VPS13A: variants seen among roughly 807,000 people sequenced by gnomAD.
The protein encoded by VPS13A is vacuolar protein sorting 13 homolog A, also known as intermembrane lipid transfer protein VPS13A.
VPS13A carries 264 observed loss-of-function variants against 390.9 expected under a neutral mutation model. That is an observed-to-expected ratio of 0.68 (90% CI 0.61 to 0.75). The LOEUF is 0.75. Ranked by LOEUF, VPS13A falls within the 30% of genes least tolerant of loss-of-function variation. VPS13A has a pLI of 0.00. For synonymous variants in VPS13A, 1,231 were observed against 1,227.1 expected (o/e 1.00, Z -0.07); for missense variants, 3,409 against 3,733.9 (o/e 0.91, Z 2.27).
rs766216872 is a variant in VPS13A, at chr9:77,405,942, A to T, written c.9354A>T (p.Lys3118Asn). Reference sequence around the variant, plus strand: ...AGTATAGTTTTGATGAATTTACCAAAGAGCCATTCATTGTTCATGGGAGAA... The same window carrying T: ...AGTATAGTTTTGATGAATTTACCAATGAGCCATTCATTGTTCATGGGAGAA... ...EWQYSFDEFTKEPFIVHGRRL... is the reference protein window; with the variant it reads ...EWQYSFDEFTNEPFIVHGRRL... Residue 3118 changes from lysine to asparagine, a missense_variant, in exon 70 of 72, where the codon AAA (lysine) becomes AAT (asparagine). Physicochemically the swap from Lys to Asn is moderately conservative, Grantham distance 94 (BLOSUM62 0). Transcript: ENST00000360280. 7 of 1,613,990 alleles carry T rather than the reference A, an allele frequency of 4.3e-6. No homozygotes were observed. Among genetic ancestry groups the T allele is most frequent in the Non-Finnish European group, 5.9e-6 (7 of 1,179,986 alleles).
intron 59 of VPS13A, among the ~76,000 whole-genome samples, 158 bp from the exon 60 acceptor site, chr9:77,365,302 G>A (rs1832372712): frequency 6.6e-6 from 1 of 152,186 alleles, no homozygotes; most frequent in African/African-American, 2.4e-5. Context: ...AGACAGAACT[G>A]TCCTATAGAT....
intron 1 of VPS13A, among the ~76,000 whole-genome samples, chr9:77,185,168 A>T (rs1458990947): frequency 1.3e-5 from 2 of 150,714 alleles, no homozygotes; most frequent in Admixed American, 1.3e-4. Context: ...TTTGAGACAG[A>T]GTCTCGCTCT....
At chr9:77,328,071 A>G (rs1355147764) in intron 45 of VPS13A, among the ~76,000 whole-genome samples, 1 of 152,222 alleles carries the variant, frequency 6.6e-6, no homozygotes, top group African/African-American at 2.4e-5. Context: ...TCAAATATAC[A>G]ATGTTACATA....
intron 56 of VPS13A, 114 bp downstream of exon 56, chr9:77,357,952 CTTTTT>C: frequency 2.0e-3 from 693 of 344,732 alleles, no homozygotes; most frequent in Middle Eastern, 2.8e-3. Flanking sequence ...TTGTGCTAGC[CTTTTT>C]TTTTTTTTTT....
intron 68 of VPS13A, among the ~76,000 whole-genome samples, chr9:77,386,717 T>TC (rs1833702470): frequency 6.6e-6 from 1 of 151,570 alleles, no homozygotes; most frequent in African/African-American, 2.4e-5. Flanking sequence ...TTTTTAATTT[T>TC]TTTTTTTTGA....
chr9:77,395,560 C>T (rs1044092917), intron 68 of VPS13A: 2 of 152,174 alleles, frequency 1.3e-5, no homozygotes, highest in African/African-American at 4.8e-5. Context: ...TGCCTGTAGA[C>T]TTGCTTGATG....
At chr9:77,287,377 G>C (rs943677641) in intron 31 of VPS13A, among the ~76,000 whole-genome samples, 4 of 151,702 alleles carry the variant, frequency 2.6e-5, no homozygotes, top group Non-Finnish European at 5.9e-5. Flanking sequence ...GATTTTTGTA[G>C]AGATGGGGTT....
intron 67 of VPS13A, among the ~76,000 whole-genome samples, chr9:77,375,351 A>G (rs1008557703): frequency 6.6e-6 from 1 of 152,222 alleles, no homozygotes; most frequent in African/African-American, 2.4e-5. Flanking sequence ...TATAAATTGG[A>G]TAAATCTAAT....
intron 46 of VPS13A, among the ~76,000 whole-genome samples, chr9:77,333,455 G>C (rs1830383905): frequency 7.3e-6 from 1 of 136,788 alleles, no homozygotes; most frequent in Admixed American, 7.7e-5. Context: ...TTTTGAGATG[G>C]AGTTTCGCTC....
chr9:77,205,445 T>A, intron 4 of VPS13A, 37 bp downstream of exon 4: 1 of 1,015,870 alleles, frequency 9.8e-7, no homozygotes, highest in Non-Finnish European at 1.4e-6. Flanking sequence ...TTTAAGTTAT[T>A]CTTTTTTATG....
At chr9:77,199,322 CA>C (rs1327729579) in intron 1 of VPS13A, among the ~76,000 whole-genome samples, 1 of 152,124 alleles carries the variant, frequency 6.6e-6, no homozygotes, top group Non-Finnish European at 1.5e-5. Flanking sequence ...TGCCTGCCAC[CA>C]TGCCTGGATG....
At chr9:77,181,909 G>A (rs1178901852) in intron 1 of VPS13A, among the ~76,000 whole-genome samples, 1 of 152,170 alleles carries the variant, frequency 6.6e-6, no homozygotes, top group Non-Finnish European at 1.5e-5. Context: ...TACAGGGGAT[G>A]AAAAAGGAAT....
At chr9:77,185,719 A>G (rs1589966084) in intron 1 of VPS13A, among the ~76,000 whole-genome samples, 1 of 150,102 alleles carries the variant, frequency 6.7e-6, no homozygotes, top group African/African-American at 2.5e-5. Flanking sequence ...ATGTGATATG[A>G]TTTAATTTTT....
chr9:77,336,019 C>T (rs1300981442), intron 46 of VPS13A, among the ~76,000 whole-genome samples: 4 of 152,222 alleles, frequency 2.6e-5, no homozygotes, highest in East Asian at 1.9e-4. Flanking sequence ...TGAAATACTA[C>T]GCAGCCATAG....
chr9:77,214,209 G>A lies in VPS13A; in HGVS notation c.697-120G>A. 49 of 809,548 alleles carry A rather than the reference G, an allele frequency of 6.1e-5. No homozygotes were observed. In the South Asian group the frequency reaches 6.7e-4, roughly 11 times the overall value. 50.1% of individuals were successfully genotyped at this position (809,548 alleles called of 1,614,324 possible). ...GAGAATCGCATGAGTCCATGAGACA[G>A]GGGTTGCAGTGAGCTGAGATTGCAC... On this transcript the variant is annotated intron_variant, in intron 9 of 71. Coordinates refer to ENST00000360280, the MANE Select transcript of VPS13A (RefSeq NM_033305.3).
chr9:77,400,328 A>G (rs1834322852), intron 68 of VPS13A, among the ~76,000 whole-genome samples: 1 of 149,184 alleles, frequency 6.7e-6, no homozygotes, highest in South Asian at 2.1e-4. Context: ...AATTGCTAGA[A>G]TTGTCTATAT....
chr9:77,335,398 A>T (rs1830484720), intron 46 of VPS13A, among the ~76,000 whole-genome samples: 1 of 152,228 alleles, frequency 6.6e-6, no homozygotes, highest in South Asian at 2.1e-4. Flanking sequence ...AGCAAAAGAA[A>T]CTATCATCAG....
intron 31 of VPS13A, among the ~76,000 whole-genome samples, chr9:77,284,767 A>G (rs1312830743): frequency 6.6e-6 from 1 of 151,728 alleles, no homozygotes; most frequent in African/African-American, 2.4e-5. Flanking sequence ...GCAGTGGCGC[A>G]GTCTTGGCTC....
At position 77,360,909 on chromosome 9, in the gene VPS13A, A is replaced by G. The variant is rs187455403; in HGVS notation, c.8211+268A>G. Among the ~76,000 whole-genome samples the G allele has an allele frequency of 1.8e-4, 28 of 152,132 alleles. No homozygotes were observed. The East Asian group carries it at 4.8e-3, about 26-fold the overall frequency. ...CTTTTTTCCTCTTTTATTTTCCTGG[A>G]TTACTTTGGCTTTGCTTTCACTTTA... On this transcript the variant is annotated intron_variant, in intron 59 of 71. Transcript: ENST00000360280.
Sources: gnomAD v4.1 joint callset for allele counts (sites outside exome capture counted in the v4.1 genomes callset) on GRCh38, gnomAD v4.1.1 for gene constraint, MANE v1.5 for transcripts, NCBI Gene and HGNC (gene_info 2026-07-23, HGNC 2026-07-21) for gene names.